Variants in MCCC1 observed in about 807,000 individuals in gnomAD.
MCCC1 encodes the protein methylcrotonyl-CoA carboxylase subunit 1.
In MCCC1, 64 loss-of-function variants were observed where a neutral mutation model predicts 83.8. That is an observed-to-expected ratio of 0.76 (90% CI 0.62 to 0.94). The LOEUF is 0.94. Among genes scored for constraint, MCCC1 ranks in the 40% least tolerant of loss-of-function variants. The pLI, the probability that MCCC1 is intolerant of heterozygous loss-of-function variation, is 0.00. For missense variants in MCCC1, 807 were observed against 904.7 expected (o/e 0.89, Z 1.39); for synonymous variants, 322 against 315.4 (o/e 1.02, Z -0.22).
At chr3:183,067,551 T>A (rs960054292) in intron 7 of MCCC1, among the ~76,000 whole-genome samples, 11 of 152,248 alleles carry the variant, frequency 7.2e-5, no homozygotes. Context: ...GGCACATTTG[T>A]TATTAAATTT....
intron 4 of MCCC1, among the ~76,000 whole-genome samples, chr3:183,084,500 CA>C (rs1366313496): frequency 2.0e-5 from 3 of 151,966 alleles, no homozygotes; most frequent in Non-Finnish European, 2.9e-5. Flanking sequence ...AAGCTGTAAC[CA>C]AAAAAGCTTC....
chr3:183,041,354 A>G (rs904214766), intron 11 of MCCC1, among the ~76,000 whole-genome samples: 6 of 152,140 alleles, frequency 3.9e-5, no homozygotes, highest in African/African-American at 1.4e-4. Flanking sequence ...CTGAATTTCA[A>G]AAAAAAGGAG....
At chr3:183,031,968 C>T (rs1566705) in intron 14 of MCCC1, among the ~76,000 whole-genome samples, 86,810 of 151,914 alleles carry the variant, frequency 0.57, 28,058 homozygotes, top group Non-Finnish European at 0.74. Flanking sequence ...TGTGACCAGC[C>T]TGGTCTCTTA....
At chr3:183,052,078 A>G in intron 9 of MCCC1, 81 bp downstream of exon 9, 1 of 1,337,388 alleles carries the variant, frequency 7.5e-7, no homozygotes, top group Non-Finnish European at 1.1e-6. Flanking sequence ...CAACTGATTT[A>G]AAAGTTGTGT....
At chr3:183,023,706 C>T (rs1460275309) in intron 15 of MCCC1, among the ~76,000 whole-genome samples, 1 of 152,166 alleles carries the variant, frequency 6.6e-6, no homozygotes. Context: ...TAAATCTGTT[C>T]TGCAGGATTT....
chr3:183,101,241 G>A (rs866283473), upstream of MCCC1, among the ~76,000 whole-genome samples: 3 of 152,228 alleles, frequency 2.0e-5, no homozygotes, highest in South Asian at 2.1e-4. Context: ...CCTGCTCCAC[G>A]GCGCCCAGTC....
rs1271565635 is a variant in MCCC1 at position 183,109,727 on chromosome 3, T to C, written c.-102+5747A>G. ...GCTGTGATGAACATATGAGTGTGTG[T>C]GTCTCTTTGGTAGAATGATTTATAT... On this transcript the variant is annotated intron_variant, in intron 1 of 17. Transcript: ENST00000492597. 3.9e-5 allele frequency among the ~76,000 whole-genome samples: 6 copies of C among 152,348 alleles called. No homozygotes were observed. In the South Asian group the frequency reaches 1.2e-3, roughly 32 times the overall value.
chr3:183,105,460 A>T (rs1469491366), intron 1 of MCCC1, among the ~76,000 whole-genome samples: 2 of 152,256 alleles, frequency 1.3e-5, no homozygotes, highest in Non-Finnish European at 2.9e-5. Context: ...AAAGCAAAAT[A>T]AAAAACCATG....
intron 1 of MCCC1, among the ~76,000 whole-genome samples, chr3:183,098,091 C>T (rs1175478844): frequency 6.6e-6 from 1 of 152,156 alleles, no homozygotes; most frequent in African/African-American, 2.4e-5. Flanking sequence ...CCACGCCCGG[C>T]TAAATTTTTT....
chr3:183,097,754 G>A (rs1014183229), intron 1 of MCCC1, among the ~76,000 whole-genome samples: 5 of 152,148 alleles, frequency 3.3e-5, no homozygotes, highest in African/African-American at 4.8e-5. Context: ...TCTCCAGAGT[G>A]ACATACTTGA....
At chr3:183,034,816 C>T (rs1055182951) in intron 13 of MCCC1, among the ~76,000 whole-genome samples, 1 of 147,824 alleles carries the variant, frequency 6.8e-6, no homozygotes, top group Non-Finnish European at 1.5e-5. Flanking sequence ...CTCGTTCTGT[C>T]GCCCAGGATG....
intron 1 of MCCC1, among the ~76,000 whole-genome samples, chr3:183,097,830 C>T (rs529244190): frequency 1.3e-5 from 2 of 152,270 alleles, no homozygotes; most frequent in South Asian, 4.1e-4. Context: ...ATGGTACTAT[C>T]CTGAAGAGCC....
At chr3:183,061,853 ATGGTT>A (rs959632387) in intron 7 of MCCC1, among the ~76,000 whole-genome samples, 2 of 152,294 alleles carry the variant, frequency 1.3e-5, no homozygotes, top group African/African-American at 4.8e-5. Flanking sequence ...CTACCACGAT[ATGGTT>A]TGGCTGTGTC....
upstream of MCCC1, among the ~76,000 whole-genome samples, chr3:183,102,856 G>C (rs146546314): frequency 7.8e-6 from 1 of 128,186 alleles, no homozygotes; most frequent in African/African-American, 3.0e-5. Context: ...GCATGATCTC[G>C]GCTCACTGCA....
chr3:183,075,734 G>A (rs1014327989), intron 4 of MCCC1, among the ~76,000 whole-genome samples: 5 of 151,894 alleles, frequency 3.3e-5, no homozygotes, highest in African/African-American at 1.2e-4. Context: ...GTAGAGACAG[G>A]GTTTCACCAT....
chr3:183,085,543 C>A (rs1717828554), intron 4 of MCCC1, among the ~76,000 whole-genome samples: 1 of 147,944 alleles, frequency 6.8e-6, no homozygotes, highest in South Asian at 2.1e-4. Context: ...GTGGGAGGAT[C>A]ACTTGAGCCT....
intron 13 of MCCC1, among the ~76,000 whole-genome samples, chr3:183,036,456 G>C (rs538593914): frequency 6.6e-6 from 1 of 152,054 alleles, no homozygotes; most frequent in Non-Finnish European, 1.5e-5. Context: ...GGGCTATGAG[G>C]AGTGGCGAAC....
At chr3:183,062,734 T>A (rs575776559) in intron 7 of MCCC1, among the ~76,000 whole-genome samples, 27 of 152,316 alleles carry the variant, frequency 1.8e-4, no homozygotes, top group Admixed American at 1.2e-3. Context: ...TGTGTTCTGT[T>A]AGGATTTCTG....
At chr3:183,086,627 A>C (rs1717909196) in intron 4 of MCCC1, 66 bp downstream of exon 4, 1 of 1,421,106 alleles carries the variant, frequency 7.0e-7, no homozygotes, top group Non-Finnish European at 9.9e-7. Context: ...AATTTCTATA[A>C]GTAACTTTGC....
Sources: gnomAD v4.1 joint callset for allele counts (sites outside exome capture counted in the v4.1 genomes callset) on GRCh38, gnomAD v4.1.1 for gene constraint, MANE v1.5 for transcripts, NCBI Gene and HGNC (gene_info 2026-07-23, HGNC 2026-07-21) for gene names.